TCF12: variants seen among roughly 807,000 people sequenced by gnomAD.
TCF12 encodes the protein DNA-binding protein HTF4.
A neutral mutation model predicts 86.0 loss-of-function variants in TCF12; 45 were observed. That is an observed-to-expected ratio of 0.52 (90% CI 0.41 to 0.67). The LOEUF (loss-of-function observed/expected upper bound fraction) is 0.67, where lower values mean the gene tolerates loss of function less well. TCF12 is among the 30% of genes least tolerant of loss of function. The pLI is 0.00. For synonymous variants in TCF12, 330 were observed against 299.6 expected (o/e 1.10, Z -1.05); for missense variants, 881 against 859.9 (o/e 1.02, Z -0.31).
At chr15:57,082,459 C>G (rs17239187) in intron 4 of TCF12, among the ~76,000 whole-genome samples, 5,797 of 152,272 alleles carry the variant, frequency 0.038, 363 homozygotes, top group Admixed American at 0.16. Flanking sequence ...AAGATTAACT[C>G]ATTTAACAAA....
In TCF12 at chr15:57,123,538, G is replaced by A. The variant is rs576314586; in HGVS notation, c.325+31647G>A. 5.3e-5 allele frequency among the ~76,000 whole-genome samples: 8 copies of A among 150,866 alleles called. No individual in the cohort carries two copies. The East Asian group carries it at 1.6e-3, about 29-fold the overall frequency. On this transcript the variant is annotated intron_variant, in intron 5 of 20. Coordinates refer to ENST00000333725, the MANE Select transcript of TCF12 (RefSeq NM_207037.2). Reference sequence around the variant, plus strand: ...TTTTTTTTTTTCTTTTTTTAAGACAGGATCTTGCTTTGTTGTCCAGGCTGG... The same window carrying A: ...TTTTTTTTTTTCTTTTTTTAAGACAAGATCTTGCTTTGTTGTCCAGGCTGG...
At chr15:57,139,297 C>T (rs544054987) in intron 5 of TCF12, among the ~76,000 whole-genome samples, 2 of 152,088 alleles carry the variant, frequency 1.3e-5, no homozygotes, top group African/African-American at 4.8e-5. Context: ...TTTTATAATC[C>T]GTTTTATGGC....
intron 18 of TCF12, among the ~76,000 whole-genome samples, chr15:57,266,890 A>G (rs1597768790): frequency 1.3e-5 from 2 of 152,188 alleles, no homozygotes; most frequent in Admixed American, 1.3e-4. Context: ...TTAGCGGGGC[A>G]TGGTGGCAAA....
At chr15:57,146,749 A>C (rs1165430872) in intron 5 of TCF12, among the ~76,000 whole-genome samples, 1 of 152,232 alleles carries the variant, frequency 6.6e-6, no homozygotes, top group Non-Finnish European at 1.5e-5. Flanking sequence ...CTGAGCTTTC[A>C]GATTTCACAA....
At chr15:56,974,223 A>G (rs1475732850) in intron 3 of TCF12, among the ~76,000 whole-genome samples, 1 of 152,138 alleles carries the variant, frequency 6.6e-6, no homozygotes, top group Admixed American at 6.5e-5. Context: ...ACACTGAAAT[A>G]TATAGAGTAA....
intron 3 of TCF12, among the ~76,000 whole-genome samples, chr15:57,006,437 TG>T (rs1341443680): frequency 6.6e-6 from 1 of 151,478 alleles, no homozygotes; most frequent in Non-Finnish European, 1.5e-5. Context: ...CCCGAGTAGC[TG>T]GGATTACAGG....
chr15:57,243,600 T>C, intron 13 of TCF12, 50 bp downstream of exon 13: 2 of 1,427,984 alleles, frequency 1.4e-6, no homozygotes, highest in East Asian at 2.3e-5. Context: ...CTTGGAAATA[T>C]TTCTAGTTCA....
intron 3 of TCF12, among the ~76,000 whole-genome samples, chr15:56,991,296 T>C (rs952652320): frequency 3.9e-5 from 6 of 152,214 alleles, no homozygotes; most frequent in Non-Finnish European, 8.8e-5. Flanking sequence ...TCCTCTTTTC[T>C]CTTTCCTCAC....
At chr15:57,238,527 C>T (rs1282561637) in intron 12 of TCF12, among the ~76,000 whole-genome samples, 2 of 152,128 alleles carry the variant, frequency 1.3e-5, no homozygotes, top group African/African-American at 4.8e-5. Context: ...AAGCTTATGC[C>T]ATAAAACTGA....
chr15:57,208,787 G>A (rs989443318), intron 8 of TCF12, among the ~76,000 whole-genome samples: 1 of 151,048 alleles, frequency 6.6e-6, no homozygotes, highest in Non-Finnish European at 1.5e-5. Context: ...AGCTCGCTGC[G>A]GCCTCAAACT....
intron 5 of TCF12, among the ~76,000 whole-genome samples, chr15:57,115,803 A>T (rs1205296999): frequency 6.6e-6 from 1 of 152,026 alleles, no homozygotes; most frequent in Non-Finnish European, 1.5e-5. Context: ...AATGGATGGG[A>T]TCTATGATAA....
intron 8 of TCF12, among the ~76,000 whole-genome samples, chr15:57,200,616 A>G (rs2057493888): frequency 6.6e-6 from 1 of 152,226 alleles, no homozygotes; most frequent in South Asian, 2.1e-4. Context: ...AGAAACAGTG[A>G]AAGGACTAAG....
intron 3 of TCF12, 27 bp downstream of exon 3, chr15:56,921,125 T>C (rs757626435): frequency 6.4e-7 from 1 of 1,560,224 alleles, no homozygotes; most frequent in Non-Finnish European, 8.7e-7. Flanking sequence ...AACTAAAGAC[T>C]CATATTTTGG....
chr15:57,145,568 T>C (rs1210602818), intron 5 of TCF12, among the ~76,000 whole-genome samples: 1 of 152,184 alleles, frequency 6.6e-6, no homozygotes, highest in African/African-American at 2.4e-5. Flanking sequence ...TGAAGTTTCT[T>C]GGTCACCCAT....
intron 3 of TCF12, among the ~76,000 whole-genome samples, chr15:57,001,947 C>T (rs903654290): frequency 4.6e-5 from 7 of 152,132 alleles, no homozygotes; most frequent in East Asian, 1.9e-4. Flanking sequence ...CATAACTGTC[C>T]GGATTGAAGG....
rs1271505440 is a variant in TCF12 at position 57,222,876 on chromosome 15, G to T, written c.580-8276G>T. Among the ~76,000 whole-genome samples, 5 of 141,406 alleles carry T rather than the reference G, an allele frequency of 3.5e-5. No homozygotes were observed. The East Asian group carries it at 1.1e-3, about 31-fold the overall frequency. The allele number at this position is 141,406 out of a possible 152,430, so 92.8% of individuals were successfully genotyped here. ...TAGTTTTGGGACTAAAGATGCTACAGAGTATTCCAGGTATAAAAATTGCCA... is the reference window on the plus strand; with the variant it reads ...TAGTTTTGGGACTAAAGATGCTACATAGTATTCCAGGTATAAAAATTGCCA... On this transcript the variant is annotated intron_variant, in intron 8 of 20. Coordinates refer to ENST00000333725, the MANE Select transcript of TCF12 (RefSeq NM_207037.2).
intron 4 of TCF12, among the ~76,000 whole-genome samples, chr15:57,066,852 A>G (rs1006009218): frequency 1.8e-4 from 27 of 152,218 alleles, no homozygotes; most frequent in African/African-American, 6.5e-4. Flanking sequence ...TAGTTACACA[A>G]AGTCATATTG....
chr15:57,030,230 A>T (rs1281938768), intron 3 of TCF12, among the ~76,000 whole-genome samples: 1 of 151,892 alleles, frequency 6.6e-6, no homozygotes, highest in Non-Finnish European at 1.5e-5. Flanking sequence ...TTATTGATTG[A>T]TTAATTGATT....
chr15:56,937,072 T>A (rs2060501189), intron 3 of TCF12, among the ~76,000 whole-genome samples: 1 of 152,228 alleles, frequency 6.6e-6, no homozygotes, highest in Admixed American at 6.5e-5. Flanking sequence ...TATGGTCATT[T>A]TCACAATATT....
Sources: allele counts gnomAD v4.1 joint callset (sites outside exome capture counted in the v4.1 genomes callset), GRCh38; gene constraint gnomAD v4.1.1; transcripts MANE v1.5; gene names NCBI Gene and HGNC (gene_info 2026-07-23, HGNC 2026-07-21).